The following HEMGN variants were observed in gnomAD, a reference collection of about 807,000 sequenced individuals.
HEMGN encodes hemogen, also known as erythroid differentiation-associated gene protein.
A neutral mutation model predicts 45.7 loss-of-function variants in HEMGN; 32 were observed. That is an observed-to-expected ratio of 0.70 (90% CI 0.53 to 0.94). HEMGN has a LOEUF of 0.94. Among genes scored for constraint, HEMGN ranks in the 40% least tolerant of loss-of-function variants. HEMGN has a pLI of 0.00. For missense variants in HEMGN, 530 were observed against 564.2 expected (o/e 0.94, Z 0.61); for synonymous variants, 183 against 178.6 (o/e 1.02, Z -0.20).
upstream of HEMGN, among the ~76,000 whole-genome samples, chr9:97,939,575 A>G (rs1827121590): frequency 6.6e-6 from 1 of 152,160 alleles, no homozygotes; most frequent in Admixed American, 6.6e-5. Context: ...AGTTACCTAT[A>G]CTTAGTATTT....
Position 97,936,182 on chromosome 9 carries a change from T to C in HEMGN, c.162A>G (p.Gln54=). 1 of 1,609,460 alleles carries C rather than the reference T, an allele frequency of 6.2e-7. No homozygotes were observed. Among genetic ancestry groups the C allele is most frequent in the Middle Eastern group, 1.7e-4 (1 of 6,048 alleles). ...KAEVHEKETS[Q]WLFGEQKKRK... is the part of the protein sequence containing the mutation. ...TGATGCTACCATACCCAAATAGCCA[T>C]TGTGATGTTTCCTTTTCATGCACTT... Residue 54 remains glutamine (Q), a synonymous_variant, in exon 2 of 4, where the codon CAA becomes CAG. Transcript: ENST00000616898.
intron 1 of HEMGN, among the ~76,000 whole-genome samples, chr9:97,936,955 G>A (rs1483749365): frequency 1.3e-5 from 2 of 152,014 alleles, no homozygotes; most frequent in Non-Finnish European, 2.9e-5. Context: ...AAAAGTTTCT[G>A]CTGCTGTCTA....
intron 2 of HEMGN, 48 bp downstream of exon 2, chr9:97,936,123 A>G (rs994812966): frequency 4.9e-6 from 6 of 1,214,866 alleles, no homozygotes; most frequent in Middle Eastern, 1.9e-4. Flanking sequence ...TATGCATAAC[A>G]TCCTCAATAA....
At position 97,927,166 on chromosome 9, in the gene HEMGN, CAT is replaced by C. The variant is rs985846946; in HGVS notation, c.*216_*217del. 15 of 293,412 alleles carry C rather than the reference CAT, an allele frequency of 5.1e-5. No homozygotes were observed. Among genetic ancestry groups the C allele is most frequent in the South Asian group, 1.8e-4 (2 of 11,272 alleles). The allele number at this position is 293,412 out of a possible 1,614,324, so 18.2% of individuals were successfully genotyped here. A position where few individuals can be genotyped will look rare whatever the true frequency, so the allele number is the denominator to read the frequency against. On this transcript the variant is annotated 3_prime_UTR_variant, in exon 4 of 4. Transcript: ENST00000616898. ...CTATCCTCTCCCCGACCTATACATA[CAT>C]ACACACACACACACACACACACACA...
rs192100815 is a variant in HEMGN at position 97,934,404 on chromosome 9, G to C, written c.173+1767C>G. On this transcript the variant is annotated intron_variant, in intron 2 of 3. Coordinates refer to ENST00000616898, the MANE Select transcript of HEMGN (RefSeq NM_197978.3). ...AGAGAAAAAAGAAAAGGAGAGGAGAGGGGAGGAGAGAGGAGGGGATGGGGG... is the reference window on the plus strand; with the variant it reads ...AGAGAAAAAAGAAAAGGAGAGGAGACGGGAGGAGAGAGGAGGGGATGGGGG... Among the ~76,000 whole-genome samples, 279 of 134,498 alleles carry C rather than the reference G, an allele frequency of 2.1e-3. 4 individuals carry two copies. In the East Asian group the frequency reaches 0.055, roughly 27 times the overall value. 88.2% of individuals were successfully genotyped at this position (134,498 alleles called of 152,430 possible).
At chr9:97,943,655 G>A (rs1030237964) in intron 1 of HEMGN, among the ~76,000 whole-genome samples, 10 of 152,098 alleles carry the variant, frequency 6.6e-5, no homozygotes, top group African/African-American at 2.4e-4. Context: ...CATTTATCTG[G>A]GGAAGAGCAA....
chr9:97,936,019 G>A, intron 2 of HEMGN, 152 bp downstream of exon 2: 1 of 607,496 alleles, frequency 1.6e-6, no homozygotes, highest in Non-Finnish European at 2.9e-6. Context: ...TGGAGGCTTA[G>A]TCTCTGTTTT....
upstream of HEMGN, among the ~76,000 whole-genome samples, chr9:97,942,434 C>T (rs1247568665): frequency 5.9e-5 from 9 of 152,054 alleles, no homozygotes; most frequent in Admixed American, 5.2e-4. Context: ...CAGGCATACA[C>T]CACCATGCCT....
chr9:97,929,989 A>G lies in HEMGN; in HGVS notation c.1360+46T>C, dbSNP rs757800981. ...TTGTCAGAGAAAGTTGTAAATCACT[A>G]CTCTGGGGGAGATGTACCTACCTTG... On this transcript the variant is annotated intron_variant, in intron 3 of 3. Transcript: ENST00000616898. The G allele has an allele frequency of 2.9e-6, 4 of 1,373,172 alleles. No individual in the cohort carries two copies. The Admixed American group carries it at 5.9e-5, about 20-fold the overall frequency. 85.1% of individuals were successfully genotyped at this position (1,373,172 alleles called of 1,614,324 possible).
intron 1 of HEMGN, 112 bp from the exon 2 acceptor site, chr9:97,936,376 G>A: frequency 1.4e-6 from 1 of 722,116 alleles, no homozygotes; most frequent in Non-Finnish European, 2.4e-6. Context: ...CTAGCTTTTT[G>A]AGGACAAGGA....
In HEMGN at chr9:97,927,251, T is replaced by C; in HGVS notation, c.*133A>G. 1 of 564,706 alleles carries C rather than the reference T, an allele frequency of 1.8e-6. No homozygotes were observed. The allele number at this position is 564,706 out of a possible 1,614,324, so 35.0% of individuals were successfully genotyped here. A position where few individuals can be genotyped will look rare whatever the true frequency, so the allele number is the denominator to read the frequency against. On this transcript the variant is annotated 3_prime_UTR_variant, in exon 4 of 4. Coordinates refer to ENST00000616898, the MANE Select transcript of HEMGN (RefSeq NM_197978.3). The stretch of plus-strand genomic sequence containing the variant: ...AGAGCCTTAAAAAATGTTATTTCTT[T>C]CAGATATGGTCTACAAATAGAAAAA...
upstream of HEMGN, among the ~76,000 whole-genome samples, chr9:97,941,938 A>G (rs2131559625): frequency 6.6e-6 from 1 of 152,338 alleles, no homozygotes; most frequent in South Asian, 2.1e-4. Context: ...TTAATTATAG[A>G]TTATGGAGGT....
At chr9:97,928,669 T>C (rs1273928470) in intron 3 of HEMGN, among the ~76,000 whole-genome samples, 1 of 152,208 alleles carries the variant, frequency 6.6e-6, no homozygotes, top group East Asian at 1.9e-4. Flanking sequence ...GTCTGGCACA[T>C]AGAAAAGTAC....
chr9:97,936,365 C>A, intron 1 of HEMGN, 101 bp from the exon 2 acceptor site: 1 of 783,324 alleles, frequency 1.3e-6, no homozygotes. Context: ...AGGTTTTTCT[C>A]CTAGCTTTTT....
chr9:97,931,955 CA>C (rs1464221487), intron 2 of HEMGN, among the ~76,000 whole-genome samples: 1 of 152,068 alleles, frequency 6.6e-6, no homozygotes, highest in Non-Finnish European at 1.5e-5. Context: ...ACTGCAAATA[CA>C]ACCAAATACA....
At position 97,930,622 on chromosome 9, in the gene HEMGN, A is replaced by C; in HGVS notation, c.773T>G (p.Leu258Arg). 1 of 1,614,188 alleles carries C rather than the reference A, an allele frequency of 6.2e-7. No homozygotes were observed. Among genetic ancestry groups the C allele is most frequent in the African/African-American group, 1.3e-5 (1 of 75,064 alleles). Residue 258 changes from leucine (L) to arginine (R), a missense_variant, in exon 3 of 4, where the codon CTT becomes CGT. Coordinates refer to ENST00000616898, the MANE Select transcript of HEMGN (RefSeq NM_197978.3). Reference protein sequence around the residue: ...EDTADLAGCSLQAYPKPDVPK... With the variant: ...EDTADLAGCSRQAYPKPDVPK... ...CACATCTGGTTTTGGATATGCTTGA[A>C]GAGAGCATCCTGCCAGATCAGCTGT...
intron 2 of HEMGN, among the ~76,000 whole-genome samples, chr9:97,933,084 T>C (rs1266646249): frequency 6.6e-6 from 1 of 152,160 alleles, no homozygotes; most frequent in Non-Finnish European, 1.5e-5. Flanking sequence ...AAAAAATACC[T>C]ATGTGGCCTA....
At position 97,934,167 on chromosome 9, in the gene HEMGN, C is replaced by T. The variant is rs1229101195; in HGVS notation, c.173+2004G>A. Among the ~76,000 whole-genome samples the T allele has an allele frequency of 2.0e-5, 3 of 151,878 alleles. No individual in the cohort carries two copies. In the East Asian group the frequency reaches 5.8e-4, roughly 30 times the overall value. ...TTCCAGACCAGCCTGGCCATCATGG[C>T]GAAACCCCGTCTCTACTAAAAAATA... On this transcript the variant is annotated intron_variant, in intron 2 of 3. Transcript: ENST00000616898.
rs750936346 is a variant in HEMGN at position 97,930,104 on chromosome 9, C to T, written c.1291G>A (p.Gly431Ser). 3 of 1,614,048 alleles carry T rather than the reference C, an allele frequency of 1.9e-6. No individual in the cohort carries two copies. The highest frequency in any genetic ancestry group is 2.7e-5 in the African/African-American group (2 of 74,918). The change falls in exon 3 of 4, where the codon GGT becomes AGT. Residue 431 changes from glycine to serine, a missense_variant. Transcript: ENST00000616898. ...ECFPEPHQET[G>S]GPQGQDPKAH... Reference sequence around the variant, plus strand: ...TTAGGATCCTGGCCTTGGGGCCCACCTGTTTCTTGGTGTGGTTCTGGAAAG... The same window carrying T: ...TTAGGATCCTGGCCTTGGGGCCCACTTGTTTCTTGGTGTGGTTCTGGAAAG...
Sources: allele counts gnomAD v4.1 joint callset (sites outside exome capture counted in the v4.1 genomes callset), GRCh38; gene constraint gnomAD v4.1.1; transcripts MANE v1.5; gene names NCBI Gene and HGNC (gene_info 2026-07-23, HGNC 2026-07-21).